The following RAB28 variants were observed in gnomAD, a reference collection of about 807,000 sequenced individuals.
The protein encoded by RAB28 is RAB28, member RAS oncogene family.
RAB28 carries 24 observed loss-of-function variants against 31.7 expected under a neutral mutation model. The observed-to-expected ratio is 0.76, with a 90% CI of 0.55 to 1.06. The LOEUF (loss-of-function observed/expected upper bound fraction) is 1.06, where lower values mean the gene tolerates loss of function less well. Among genes scored for constraint, RAB28 ranks in the 50% least tolerant of loss-of-function variants. RAB28 has a pLI of 0.00. For missense variants in RAB28, 254 were observed against 258.5 expected (o/e 0.98, Z 0.12); for synonymous variants, 100 against 90.4 (o/e 1.11, Z -0.60).
At chr4:13,480,628 C>T (rs769098605) in intron 1 of RAB28, among the ~76,000 whole-genome samples, 21 of 151,922 alleles carry the variant, frequency 1.4e-4, no homozygotes, top group South Asian at 8.3e-4. Context: ...TTACACAGAA[C>T]CATATTTTTC....
intron 3 of RAB28, among the ~76,000 whole-genome samples, chr4:13,468,833 C>A (rs2108967292): frequency 6.7e-6 from 1 of 149,274 alleles, no homozygotes. Flanking sequence ...TCAGGCTAAC[C>A]AAAAACAAAG....
intron 4 of RAB28, among the ~76,000 whole-genome samples, chr4:13,421,126 G>A (rs1053324002): frequency 2.6e-4 from 40 of 152,158 alleles, no homozygotes; most frequent in African/African-American, 9.4e-4. Flanking sequence ...CAAACAGAGA[G>A]CCAAATCATG....
chr4:13,461,249 T>G (rs906685922), intron 3 of RAB28, among the ~76,000 whole-genome samples: 5 of 152,220 alleles, frequency 3.3e-5, no homozygotes, highest in African/African-American at 1.2e-4. Flanking sequence ...TTTAAATATT[T>G]TCAAAAACAG....
intron 4 of RAB28, among the ~76,000 whole-genome samples, chr4:13,445,860 T>C (rs1714667523): frequency 6.6e-6 from 1 of 152,186 alleles, no homozygotes; most frequent in South Asian, 2.1e-4. Context: ...GAGCAGTCTG[T>C]TCCTTAGCAG....
intron 4 of RAB28, among the ~76,000 whole-genome samples, chr4:13,441,923 C>T (rs781211962): frequency 6.6e-6 from 1 of 152,152 alleles, no homozygotes; most frequent in African/African-American, 2.4e-5. Flanking sequence ...GTGAGCTCAT[C>T]GTCCTCTATT....
intron 4 of RAB28, among the ~76,000 whole-genome samples, chr4:13,454,721 C>T (rs1194141790): frequency 6.6e-6 from 1 of 152,126 alleles, no homozygotes; most frequent in Non-Finnish European, 1.5e-5. Flanking sequence ...CATACATGCA[C>T]ATGGTAAGTT....
chr4:13,406,536 C>G (rs925201832), intron 4 of RAB28, among the ~76,000 whole-genome samples: 4 of 152,148 alleles, frequency 2.6e-5, no homozygotes, highest in African/African-American at 9.7e-5. Context: ...ACTGCTGGGT[C>G]AAATGGTATT....
rs775633442 is a variant in RAB28 at position 13,368,270 on chromosome 4, A to C, written c.*288T>G. 17 of 1,056,136 alleles carry C rather than the reference A, an allele frequency of 1.6e-5. No individual in the cohort carries two copies. Among genetic ancestry groups the C allele is most frequent in the Non-Finnish European group, 1.9e-5 (17 of 876,788 alleles). The allele number at this position is 1,056,136 out of a possible 1,614,324, so 65.4% of individuals were successfully genotyped here. The stretch of plus-strand genomic sequence containing the variant: ...AAAAAATTTACATCAATGAAAAAAG[A>C]AGCAAGGACATACAAAGAAACAACA... On this transcript the variant is annotated 3_prime_UTR_variant, in exon 7 of 7. Transcript: ENST00000330852.
Position 13,474,307 on chromosome 4 carries a change from T to G in RAB28, c.261+11A>C. On this transcript the variant is annotated intron_variant, in intron 3 of 6. Coordinates refer to ENST00000330852, the MANE Select transcript of RAB28 (RefSeq NM_001017979.3). ...CTTTCAATACTGGAATAATCAGAAT[T>G]CATATCATACCTGTGCTCCATAGAT... 2 of 1,540,756 alleles carry G rather than the reference T, an allele frequency of 1.3e-6. No homozygotes were observed. The highest frequency in any genetic ancestry group is 1.4e-5 in the African/African-American group (1 of 73,064).
chr4:13,408,304 T>G (rs1253866907), intron 4 of RAB28, among the ~76,000 whole-genome samples: 1 of 152,130 alleles, frequency 6.6e-6, no homozygotes, highest in Non-Finnish European at 1.5e-5. Flanking sequence ...GTTTATGTGA[T>G]GGAATACATT....
At chr4:13,369,915 ATG>A in intron 6 of RAB28, 1 of 1,612,602 alleles carries the variant, frequency 6.2e-7, no homozygotes, top group South Asian at 1.1e-5. Context: ...TAGAGGTGGT[ATG>A]TTGATTTTCT....
chr4:13,381,304 TA>T (rs1729119427), intron 5 of RAB28, among the ~76,000 whole-genome samples, 186 bp downstream of exon 5: 1 of 152,084 alleles, frequency 6.6e-6, no homozygotes, highest in Non-Finnish European at 1.5e-5. Flanking sequence ...TAAAAATAAC[TA>T]AAATTATGTT....
At position 13,397,933 on chromosome 4, in the gene RAB28, A is replaced by G. The variant is rs150003339; in HGVS notation, c.392-16339T>C. ...CCTATAAGGATTCTAAGGGGATCAT[A>G]ATGAATCTTCATAACTCCAAAGAGT... On this transcript the variant is annotated intron_variant, in intron 4 of 6. Transcript: ENST00000330852. 6.1e-3 allele frequency among the ~76,000 whole-genome samples: 922 copies of G among 152,280 alleles called. 36 individuals carry two copies. Among genetic ancestry groups the G allele is most frequent in the Admixed American group, 0.055 (837 of 15,300 alleles).
intron 4 of RAB28, among the ~76,000 whole-genome samples, chr4:13,449,015 A>C (rs1292098355): frequency 1.3e-5 from 2 of 152,024 alleles, no homozygotes; most frequent in East Asian, 3.8e-4. Context: ...GGAACAAAAA[A>C]GAAGCAAAGT....
chr4:13,372,368 C>T (rs919302360), intron 6 of RAB28, among the ~76,000 whole-genome samples: 2 of 152,026 alleles, frequency 1.3e-5, no homozygotes, highest in Non-Finnish European at 2.9e-5. Flanking sequence ...TTCTATATAA[C>T]GAATGGGCTA....
chr4:13,452,487 A>T (rs1456077359), intron 4 of RAB28, among the ~76,000 whole-genome samples: 1 of 151,934 alleles, frequency 6.6e-6, no homozygotes. Flanking sequence ...CATTTCTTTC[A>T]AGAAATTTTT....
intron 5 of RAB28, among the ~76,000 whole-genome samples, chr4:13,379,709 A>G (rs1729055299): frequency 6.6e-6 from 1 of 152,142 alleles, no homozygotes; most frequent in Non-Finnish European, 1.5e-5. Flanking sequence ...GTAATTTGTA[A>G]TGATGTGATC....
chr4:13,465,443 A>G (rs1715791730), intron 3 of RAB28, among the ~76,000 whole-genome samples: 1 of 151,866 alleles, frequency 6.6e-6, no homozygotes, highest in Admixed American at 6.6e-5. Flanking sequence ...CATAAAAATT[A>G]CAGAGAATAG....
intron 3 of RAB28, among the ~76,000 whole-genome samples, chr4:13,470,396 C>T (rs963284777): frequency 6.6e-6 from 1 of 152,044 alleles, no homozygotes; most frequent in Non-Finnish European, 1.5e-5. Flanking sequence ...CTTGGAGAGT[C>T]CAGTTTTGAG....
Sources: allele counts gnomAD v4.1 joint callset (sites outside exome capture counted in the v4.1 genomes callset), GRCh38; gene constraint gnomAD v4.1.1; transcripts MANE v1.5; gene names NCBI Gene and HGNC (gene_info 2026-07-23, HGNC 2026-07-21).